Variants in PACC1 observed in about 807,000 individuals in gnomAD.
PACC1 encodes the protein proton activated chloride channel 1.
In PACC1, 34 loss-of-function variants were observed where a neutral mutation model predicts 39.7. The ratio of observed to expected loss-of-function variants is 0.86; its 90% CI spans 0.65 to 1.14. PACC1 has a LOEUF of 1.14. Ranked by LOEUF, PACC1 falls within the 50% of genes most tolerant of loss-of-function variation. PACC1 has a pLI of 0.00. For synonymous variants in PACC1, 127 were observed against 160.6 expected (o/e 0.79, Z 1.58); for missense variants, 379 against 436.4 (o/e 0.87, Z 1.17).
chr1:212,399,751 C>T (rs1661648566), intron 2 of PACC1, among the ~76,000 whole-genome samples: 1 of 152,158 alleles, frequency 6.6e-6, no homozygotes, highest in African/African-American at 2.4e-5. Flanking sequence ...ACCATGTCAC[C>T]TAGGCTGGTC....
At chr1:212,380,986 T>C (rs1660856927) in intron 4 of PACC1, among the ~76,000 whole-genome samples, 1 of 152,262 alleles carries the variant, frequency 6.6e-6, no homozygotes, top group Non-Finnish European at 1.5e-5. Context: ...ATAAATGCTC[T>C]ACAGAGATTT....
At chr1:212,373,607 G>A (rs1660538721) in intron 7 of PACC1, among the ~76,000 whole-genome samples, 1 of 151,880 alleles carries the variant, frequency 6.6e-6, no homozygotes, top group Admixed American at 6.6e-5. Context: ...ATCCAACAAG[G>A]GATTAGTAAC....
At position 212,380,054 on chromosome 1, in the gene PACC1, GAC is replaced by G. The variant is rs1325539157; in HGVS notation, c.496-19_496-18del. ...GGCAGATTTCTGCAGAGAGAAAAAG[GAC>G]AGAGTCTCAGTCCTGGGAGAGTACA... is the stretch of plus-strand genomic sequence containing the variant. On this transcript the variant is annotated intron_variant, in intron 4 of 7. Transcript: ENST00000261455. 1.9e-6 allele frequency: 3 copies of G among 1,613,250 alleles called. No individual in the cohort carries two copies. The East Asian group carries it at 6.7e-5, about 36-fold the overall frequency.
At chr1:212,369,360 C>T (rs1329006429) in intron 7 of PACC1, among the ~76,000 whole-genome samples, 1 of 152,164 alleles carries the variant, frequency 6.6e-6, no homozygotes, top group Non-Finnish European at 1.5e-5. Context: ...CCTTCTCTAT[C>T]AGTAATAATA....
intron 4 of PACC1, 71 bp downstream of exon 4, chr1:212,385,203 A>C (rs541951433): frequency 3.2e-6 from 5 of 1,584,048 alleles, no homozygotes. Flanking sequence ...AGGAAAAAGG[A>C]AACTTGGGGC....
intron 2 of PACC1, among the ~76,000 whole-genome samples, chr1:212,393,233 T>G (rs989286037): frequency 1.3e-5 from 2 of 152,170 alleles, no homozygotes; most frequent in African/African-American, 4.8e-5. Context: ...TATAACAAAC[T>G]GACTCTCAGA....
At chr1:212,413,454 C>T (rs528809434) in intron 1 of PACC1, among the ~76,000 whole-genome samples, 2 of 152,284 alleles carry the variant, frequency 1.3e-5, no homozygotes, top group Non-Finnish European at 2.9e-5. Flanking sequence ...GAAGGACAGA[C>T]AGAAATGCAG....
chr1:212,371,255 AAAAAG>A (rs1354614353), intron 7 of PACC1, among the ~76,000 whole-genome samples: 81 of 144,352 alleles, frequency 5.6e-4, no homozygotes, highest in African/African-American at 2.2e-3. Flanking sequence ...AAAAAAAAAA[AAAAAG>A]AAAGAAAAGT....
chr1:212,372,287 A>C (rs59968701), intron 7 of PACC1, among the ~76,000 whole-genome samples: 2 of 148,622 alleles, frequency 1.3e-5, no homozygotes, highest in African/African-American at 5.2e-5. Flanking sequence ...TGTGTCAAAA[A>C]AAAAAAACAA....
At position 212,374,902 on chromosome 1, in the gene PACC1, C is replaced by G. The variant is rs564647874; in HGVS notation, c.891+291G>C. Among the ~76,000 whole-genome samples, 3 of 152,242 alleles carry G rather than the reference C, an allele frequency of 2.0e-5. No individual in the cohort carries two copies. In the South Asian group the frequency reaches 6.2e-4, roughly 32 times the overall value. On this transcript the variant is annotated intron_variant, in intron 7 of 7. Coordinates refer to ENST00000261455, the MANE Select transcript of PACC1 (RefSeq NM_018252.3). The stretch of plus-strand genomic sequence containing the variant: ...CTTTGCACTAAGCACTCCACTATAT[C>G]CCAGATAAATTATGGTGAGCAAAAT...
At chr1:212,389,503 A>C (rs1188935884) in intron 2 of PACC1, among the ~76,000 whole-genome samples, 1 of 152,232 alleles carries the variant, frequency 6.6e-6, no homozygotes, top group Admixed American at 6.5e-5. Context: ...TATCATTCAT[A>C]ATGTCCAGTG....
intron 2 of PACC1, among the ~76,000 whole-genome samples, chr1:212,389,585 T>A (rs80131903): frequency 0.12 from 17,817 of 152,078 alleles, 1,512 homozygotes; most frequent in Non-Finnish European, 0.18. Flanking sequence ...AAGCAATCTA[T>A]AGAAACCAAC....
chr1:212,374,596 C>T (rs1660580009), intron 7 of PACC1, among the ~76,000 whole-genome samples: 1 of 152,046 alleles, frequency 6.6e-6, no homozygotes, highest in South Asian at 2.1e-4. Flanking sequence ...GATGGATAAC[C>T]CAACTACCCT....
In PACC1 at chr1:212,414,824, G is replaced by C; in HGVS notation, c.-67C>G. The C allele has an allele frequency of 6.3e-7, 1 of 1,596,242 alleles. No homozygotes were observed. Among genetic ancestry groups the C allele is most frequent in the Non-Finnish European group, 8.6e-7 (1 of 1,166,018 alleles). On this transcript the variant is annotated 5_prime_UTR_variant, in exon 1 of 8. Coordinates refer to ENST00000261455, the MANE Select transcript of PACC1 (RefSeq NM_018252.3). ...CCGCGGCGCACGGACGCAGCACTGCGGCCGCTGCACCTGGACCTACCGGCT... is the reference window on the plus strand; with the variant it reads ...CCGCGGCGCACGGACGCAGCACTGCCGCCGCTGCACCTGGACCTACCGGCT...
intron 3 of PACC1, 70 bp from the exon 4 acceptor site, chr1:212,385,495 C>T (rs980853852): frequency 6.6e-7 from 1 of 1,525,032 alleles, no homozygotes; most frequent in Non-Finnish European, 9.1e-7. Flanking sequence ...AATCATCTCA[C>T]ACCTACCAAC....
rs1034429230 is a variant in PACC1, at chr1:212,365,260, C to G, written c.1008G>C (p.Lys336Asn). 2 of 1,613,564 alleles carry G rather than the reference C, an allele frequency of 1.2e-6. No homozygotes were observed. Among genetic ancestry groups the G allele is most frequent in the East Asian group, 4.5e-5 (2 of 44,880 alleles). ...CCTGACCTCTTCTTTTAAGGTATCT[C>G]TTTCTAATTTTGATCATCCATTTTA... The part of the protein sequence containing the change: ...LSIKWMIKIR[K>N]RYLKRRGQAT... The change falls in exon 8 of 8, where the codon AAG becomes AAC. Residue 336 changes from lysine to asparagine, a missense_variant. Transcript: ENST00000261455.
chr1:212,396,796 ATATCTATCTATCTATCTATC>A lies in PACC1; in HGVS notation c.134-9716_134-9697del, dbSNP rs56926217. On this transcript the variant is annotated intron_variant, in intron 2 of 7. Coordinates refer to ENST00000261455, the MANE Select transcript of PACC1 (RefSeq NM_018252.3). ...ATCTTGAAGGCAGTGAGGGAAAAAA[ATATCTATCTATCTATCTATC>A]TATCTATCTATCTATCTATCTATCT... 2.4e-3 allele frequency among the ~76,000 whole-genome samples: 355 copies of A among 146,850 alleles called. 2 individuals are homozygous for A. Among genetic ancestry groups the A allele is most frequent in the African/African-American group, 4.0e-3 (161 of 39,836 alleles).
At chr1:212,387,410 CAAAA>C (rs1661143254) in intron 2 of PACC1, among the ~76,000 whole-genome samples, 2 of 152,082 alleles carry the variant, frequency 1.3e-5, no homozygotes, top group Admixed American at 6.5e-5. Context: ...AAAAAACAAA[CAAAA>C]AGAACAGAAA....
At chr1:212,387,156 G>A (rs1661133446) in intron 2 of PACC1, 56 bp from the exon 3 acceptor site, 1 of 1,580,828 alleles carries the variant, frequency 6.3e-7, no homozygotes, top group Non-Finnish European at 8.6e-7. Flanking sequence ...TACAGACAGA[G>A]ATGGCCAGCA....
Sources: gnomAD v4.1 joint callset for allele counts (sites outside exome capture counted in the v4.1 genomes callset) on GRCh38, gnomAD v4.1.1 for gene constraint, MANE v1.5 for transcripts, NCBI Gene and HGNC (gene_info 2026-07-23, HGNC 2026-07-21) for gene names.